HS6ST2: variants seen among roughly 807,000 people sequenced by gnomAD.
HS6ST2 encodes heparan-sulfate 6-O-sulfotransferase 2.
Under a neutral mutation model 33.0 loss-of-function variants are expected in HS6ST2, and 17 were observed. The ratio of observed to expected loss-of-function variants is 0.52; its 90% CI spans 0.35 to 0.77. The LOEUF (loss-of-function observed/expected upper bound fraction) is 0.77. HS6ST2 is among the 30% of genes least tolerant of loss of function. The pLI, the probability that HS6ST2 is intolerant of heterozygous loss-of-function variation, is 0.01. For missense variants in HS6ST2, 519 were observed against 551.7 expected, an observed-to-expected ratio of 0.94 and a Z score of 0.59; for synonymous variants, 248 against 237.1, an observed-to-expected ratio of 1.05 and a Z score of -0.42.
intron 2 of HS6ST2, among the ~76,000 whole-genome samples, chrX:132,760,635 G>T (rs765970384): frequency 8.9e-6 from 1 of 111,838 alleles, no homozygotes; most frequent in Non-Finnish European, 1.9e-5. Flanking sequence ...CAAGGAGAAA[G>T]TGTGCATGTA....
At chrX:132,738,107 G>C (rs1310527863) in intron 2 of HS6ST2, among the ~76,000 whole-genome samples, 3 of 112,587 alleles carry the variant, frequency 2.7e-5, no homozygotes, top group Non-Finnish European at 5.6e-5. Context: ...GCACTTGGAA[G>C]AGTCAGCCTA....
chrX:132,638,082 G>A (rs1398027125), intron 4 of HS6ST2, among the ~76,000 whole-genome samples: 1 of 99,748 alleles, frequency 1.0e-5, no homozygotes, highest in Admixed American at 1.2e-4. Flanking sequence ...TAGTTGGGGT[G>A]GTTGTATATG....
intron 2 of HS6ST2, among the ~76,000 whole-genome samples, chrX:132,712,107 A>G (rs1382857212): frequency 8.9e-6 from 1 of 112,093 alleles, no homozygotes; most frequent in African/African-American, 3.2e-5. Flanking sequence ...CCACTGTTCC[A>G]GAGCTGCCAA....
At chrX:132,717,594 T>C (rs761937704) in intron 2 of HS6ST2, among the ~76,000 whole-genome samples, 12 of 112,209 alleles carry the variant, frequency 1.1e-4, no homozygotes, top group African/African-American at 3.2e-4. Context: ...TTGTCAAAAA[T>C]CCATGAAAAA....
intron 2 of HS6ST2, among the ~76,000 whole-genome samples, chrX:132,772,669 T>G (rs1328784859): frequency 2.0e-5 from 2 of 98,710 alleles, no homozygotes; most frequent in Non-Finnish European, 4.0e-5. Flanking sequence ...GCAATATAAT[T>G]ATATTGTATA....
chrX:132,660,443 A>AAG (rs947672142), intron 4 of HS6ST2, among the ~76,000 whole-genome samples: 7 of 110,324 alleles, frequency 6.3e-5, no homozygotes, highest in Non-Finnish European at 9.5e-5. Flanking sequence ...TCTTTCAAAG[A>AAG]AGAGAGAGAG....
At chrX:132,941,883 A>T (rs1274289882) in intron 2 of HS6ST2, among the ~76,000 whole-genome samples, 3 of 111,917 alleles carry the variant, frequency 2.7e-5, no homozygotes, top group African/African-American at 9.7e-5. Context: ...AAGCAGAAAT[A>T]TTCAGACCAT....
At chrX:132,923,400 G>GT (rs1224712629) in intron 2 of HS6ST2, among the ~76,000 whole-genome samples, 1 of 111,159 alleles carries the variant, frequency 9.0e-6, no homozygotes, top group Admixed American at 9.6e-5. Context: ...TGGTTGGGGG[G>GT]TAGGTCTCAG....
chrX:132,710,252 G>C (rs2064219821), intron 2 of HS6ST2, among the ~76,000 whole-genome samples: 1 of 110,335 alleles, frequency 9.1e-6, no homozygotes. Context: ...AAGTTCATAG[G>C]GAAAAGGTAA....
intron 4 of HS6ST2, among the ~76,000 whole-genome samples, chrX:132,635,471 G>T (rs757038445): frequency 3.6e-5 from 4 of 111,416 alleles, no homozygotes; most frequent in Admixed American, 2.9e-4. Context: ...ATGACATGAA[G>T]CCAAGCTCCT....
At position 132,958,354 on chromosome X, in the gene HS6ST2, G is replaced by C; in HGVS notation, c.249C>G (p.Cys83Trp). The C allele has an allele frequency of 4.2e-6, 5 of 1,198,730 alleles. No individual in the cohort carries two copies. Among genetic ancestry groups the C allele is most frequent in the Non-Finnish European group, 5.6e-6 (5 of 893,537 alleles). The change falls in exon 1 of 5, where the codon TGC (cysteine) becomes TGG (tryptophan). Residue 83 changes from cysteine (C) to tryptophan (W), a missense_variant. By Grantham distance (215) the Cys-to-Trp change is radical. Transcript: ENST00000370833. ...KASSSLAGAACAPLFALLSRG... is the reference protein window; with the variant it reads ...KASSSLAGAAWAPLFALLSRG... Reference sequence around the variant, plus strand: ...GGGACAGCAGCGCGAAAAGCGGGGCGCACGCGGCTCCCGCCAGGGAAGAAG... The same window carrying C: ...GGGACAGCAGCGCGAAAAGCGGGGCCCACGCGGCTCCCGCCAGGGAAGAAG...
At chrX:132,913,239 G>A (rs887334079) in intron 2 of HS6ST2, among the ~76,000 whole-genome samples, 3 of 111,805 alleles carry the variant, frequency 2.7e-5, no homozygotes, top group African/African-American at 9.8e-5. Flanking sequence ...TAAAACTGTA[G>A]CCCTCTGCCC....
chrX:132,803,478 G>A (rs767773047), intron 2 of HS6ST2, among the ~76,000 whole-genome samples: 18 of 111,458 alleles, frequency 1.6e-4, no homozygotes, highest in Non-Finnish European at 3.0e-4. Context: ...GCACAATCTC[G>A]GCTCACTGCA....
At chrX:132,857,383 C>T (rs2065862223) in intron 2 of HS6ST2, among the ~76,000 whole-genome samples, 1 of 108,323 alleles carries the variant, frequency 9.2e-6, no homozygotes, top group Non-Finnish European at 1.9e-5. Flanking sequence ...ACTCAGGAGG[C>T]TGAGGAAGGA....
intron 3 of HS6ST2, among the ~76,000 whole-genome samples, chrX:132,698,648 C>T (rs1342466602): frequency 9.0e-6 from 1 of 111,327 alleles, no homozygotes; most frequent in Non-Finnish European, 1.9e-5. Context: ...AAGACCTGGC[C>T]CCATATCATT....
intron 3 of HS6ST2, among the ~76,000 whole-genome samples, chrX:132,693,132 C>T (rs914926393): frequency 3.6e-5 from 4 of 112,022 alleles, no homozygotes; most frequent in Admixed American, 1.9e-4. Flanking sequence ...TCTCATATGA[C>T]GAATATGGTA....
intron 2 of HS6ST2, among the ~76,000 whole-genome samples, chrX:132,951,104 T>A (rs1411002955): frequency 9.0e-6 from 1 of 111,132 alleles, no homozygotes. Flanking sequence ...CCGAACCAGA[T>A]CCCCTTCTCA....
chrX:132,944,975 A>T (rs2066932038), intron 2 of HS6ST2, among the ~76,000 whole-genome samples: 2 of 112,190 alleles, frequency 1.8e-5, no homozygotes, highest in African/African-American at 6.5e-5. Flanking sequence ...CACCAAAAGC[A>T]ATGACAACAA....
intron 2 of HS6ST2, among the ~76,000 whole-genome samples, chrX:132,870,838 T>C (rs2066050093): frequency 9.0e-6 from 1 of 111,568 alleles, no homozygotes; most frequent in African/African-American, 3.3e-5. Context: ...GGCAATACCA[T>C]TCAGGCATTG....
Sources: allele counts gnomAD v4.1 joint callset (sites outside exome capture counted in the v4.1 genomes callset), GRCh38; gene constraint gnomAD v4.1.1; transcripts MANE v1.5; gene names NCBI Gene and HGNC (gene_info 2026-07-23, HGNC 2026-07-21).